Variants in NEDD4L observed in about 807,000 individuals in gnomAD.
The protein encoded by NEDD4L is E3 ubiquitin-protein ligase NEDD4-like.
NEDD4L carries 54 observed loss-of-function variants against 148.9 expected under a neutral mutation model. The observed-to-expected ratio is 0.36, with a 90% CI of 0.29 to 0.45. The LOEUF (loss-of-function observed/expected upper bound fraction) is 0.45. Ranked by LOEUF, NEDD4L falls within the 20% of genes least tolerant of loss-of-function variation. NEDD4L has a pLI of 1.00. For missense variants in NEDD4L, 856 were observed against 1,233.8 expected (o/e 0.69, Z 4.59); for synonymous variants, 433 against 440.7 (o/e 0.98, Z 0.22).
chr18:58,320,161 T>C (rs531203036), intron 6 of NEDD4L, among the ~76,000 whole-genome samples: 1 of 152,330 alleles, frequency 6.6e-6, no homozygotes, highest in South Asian at 2.1e-4. Flanking sequence ...CTCTCTTGCA[T>C]GTTCTCTGCT....
chr18:58,141,405 C>T (rs2033486120), intron 1 of NEDD4L, among the ~76,000 whole-genome samples: 1 of 152,136 alleles, frequency 6.6e-6, no homozygotes, highest in East Asian at 1.9e-4. Context: ...AGAATAAAAT[C>T]AAACAAAATT....
intron 1 of NEDD4L, among the ~76,000 whole-genome samples, chr18:58,112,408 ATTT>A (rs869308820): frequency 8.5e-6 from 1 of 117,780 alleles, no homozygotes; most frequent in Non-Finnish European, 1.8e-5. Flanking sequence ...TTATTTATTT[ATTT>A]TTGCCTACTT....
chr18:58,159,874 A>C (rs1599217843), intron 1 of NEDD4L, among the ~76,000 whole-genome samples: 3 of 152,342 alleles, frequency 2.0e-5, no homozygotes, highest in Admixed American at 2.0e-4. Context: ...TTTAGGTAAG[A>C]GTGACAAAAC....
chr18:58,283,188 G>A (rs553206281), intron 5 of NEDD4L, among the ~76,000 whole-genome samples: 1 of 152,254 alleles, frequency 6.6e-6, no homozygotes, highest in Non-Finnish European at 1.5e-5. Flanking sequence ...CGATTCTCCT[G>A]CCTTAGCCTC....
intron 6 of NEDD4L, among the ~76,000 whole-genome samples, chr18:58,320,279 T>G (rs143540023): frequency 1.3e-5 from 2 of 152,298 alleles, no homozygotes; most frequent in East Asian, 3.9e-4. Context: ...CTCAAAGCCT[T>G]CCCATCACCC....
chr18:58,397,627 G>T lies in NEDD4L; in HGVS notation c.*1358G>T, dbSNP rs932810562. The T allele has an allele frequency of 6.6e-6, 1 of 152,500 alleles. No individual in the cohort carries two copies. Among genetic ancestry groups the T allele is most frequent in the African/African-American group, 2.4e-5 (1 of 41,468 alleles). The allele number at this position is 152,500 out of a possible 1,614,324, so 9.4% of individuals were successfully genotyped here. On this transcript the variant is annotated 3_prime_UTR_variant, in exon 31 of 31. Transcript: ENST00000400345. Reference sequence around the variant, plus strand: ...GTACTGCCTGAGTTGTGCCTCTTGTGTGCTAGATTAAAAGTGAGACAGAGA... The same window carrying T: ...GTACTGCCTGAGTTGTGCCTCTTGTTTGCTAGATTAAAAGTGAGACAGAGA...
At chr18:58,225,681 C>T (rs2044270660) in intron 2 of NEDD4L, among the ~76,000 whole-genome samples, 1 of 152,126 alleles carries the variant, frequency 6.6e-6, no homozygotes, top group Non-Finnish European at 1.5e-5. Flanking sequence ...CTCGAGATAC[C>T]AGTGCAAATA....
intron 2 of NEDD4L, among the ~76,000 whole-genome samples, chr18:58,219,511 T>A (rs557825357): frequency 2.6e-5 from 4 of 152,168 alleles, no homozygotes; most frequent in African/African-American, 9.7e-5. Context: ...TACCACAAAT[T>A]TGTTTTCTCA....
At chr18:58,269,802 C>T (rs1455593580) in intron 5 of NEDD4L, among the ~76,000 whole-genome samples, 1 of 151,156 alleles carries the variant, frequency 6.6e-6, no homozygotes, top group African/African-American at 2.4e-5. Flanking sequence ...CTTCATCACC[C>T]CAAATCTATA....
At chr18:58,105,929 G>T (rs969632571) in intron 1 of NEDD4L, among the ~76,000 whole-genome samples, 7 of 152,182 alleles carry the variant, frequency 4.6e-5, no homozygotes, top group African/African-American at 1.7e-4. Flanking sequence ...TCAGGGTCAG[G>T]CTTCAGCATA....
chr18:58,270,367 G>A (rs2050863346), intron 5 of NEDD4L, among the ~76,000 whole-genome samples: 1 of 152,246 alleles, frequency 6.6e-6, no homozygotes, highest in African/African-American at 2.4e-5. Context: ...GTGGCCTGAA[G>A]CCCAAACCAC....
intron 1 of NEDD4L, among the ~76,000 whole-genome samples, chr18:58,123,546 C>T (rs1359627262): frequency 6.6e-6 from 1 of 152,198 alleles, no homozygotes; most frequent in African/African-American, 2.4e-5. Flanking sequence ...GGACACCCCA[C>T]CCTGGTTAAA....
intron 5 of NEDD4L, among the ~76,000 whole-genome samples, chr18:58,291,619 C>CA (rs1254646433): frequency 5.3e-5 from 8 of 152,170 alleles, no homozygotes; most frequent in Admixed American, 6.5e-5. Flanking sequence ...GCCTGTAAGA[C>CA]AATCTTTGCC....
intron 19 of NEDD4L, among the ~76,000 whole-genome samples, chr18:58,363,452 C>T (rs1327394287): frequency 2.6e-5 from 4 of 152,140 alleles, no homozygotes; most frequent in Non-Finnish European, 5.9e-5. Context: ...CCTTTTTGCT[C>T]ATAAAAATAT....
chr18:58,138,740 TGAGA>T (rs1355026276), intron 1 of NEDD4L, among the ~76,000 whole-genome samples: 1 of 152,004 alleles, frequency 6.6e-6, no homozygotes, highest in South Asian at 2.1e-4. Flanking sequence ...CCTTACATGA[TGAGA>T]GAGAGAGAAA....
rs546648287 is a variant in NEDD4L, at chr18:58,133,671, A to G, written c.49-32117A>G. ...CCCTCCATGCTTGCTAGACTGGCTT[A>G]TGCACACATCATGATGATAATGAAG... On this transcript the variant is annotated intron_variant, in intron 1 of 30. Transcript: ENST00000400345. Among the ~76,000 whole-genome samples, 3 of 152,332 alleles carry G rather than the reference A, an allele frequency of 2.0e-5. No individual in the cohort carries two copies. The South Asian group carries it at 6.2e-4, about 32-fold the overall frequency.
At chr18:58,141,343 A>G (rs755807896) in intron 1 of NEDD4L, among the ~76,000 whole-genome samples, 10 of 152,374 alleles carry the variant, frequency 6.6e-5, no homozygotes, top group East Asian at 1.9e-4. Flanking sequence ...TACTGCAGAC[A>G]GGCACATATG....
chr18:58,384,250 G>A (rs562543850), intron 25 of NEDD4L, among the ~76,000 whole-genome samples: 5 of 152,338 alleles, frequency 3.3e-5, no homozygotes, highest in East Asian at 3.9e-4. Flanking sequence ...AGGAAGAAAC[G>A]GAGCGTGTTA....
chr18:58,347,205 GCCCCCCCCGCC>G (rs1347731729), intron 16 of NEDD4L, among the ~76,000 whole-genome samples: 4 of 39,560 alleles, frequency 1.0e-4, no homozygotes, highest in African/African-American at 5.6e-4. Context: ...TCACGCTACG[GCCCCCCCCGCC>G]CCCCCCCCCC....
Sources: allele counts gnomAD v4.1 joint callset (sites outside exome capture counted in the v4.1 genomes callset), GRCh38; gene constraint gnomAD v4.1.1; transcripts MANE v1.5; gene names NCBI Gene and HGNC (gene_info 2026-07-23, HGNC 2026-07-21).